The following CCR8 variants were observed in gnomAD, a reference collection of about 807,000 sequenced individuals.
CCR8 encodes the protein C-C chemokine receptor type 8.
For synonymous variants in CCR8, 156 were observed against 165.7 expected, an observed-to-expected ratio of 0.94 and a Z score of 0.45; for missense variants, 358 against 417.5, an observed-to-expected ratio of 0.86 and a Z score of 1.24.
At position 39,332,202 on chromosome 3, in the gene CCR8, G is replaced by A. The variant is rs116495232; in HGVS notation, c.-14-116G>A. ...TAGTCACACCCACACCGGAGGTTGA[G>A]CACTTCAACACATGAATTTGGGGAG... On this transcript the variant is annotated intron_variant, in intron 1 of 1. Transcript: ENST00000326306. 1,820 of 642,578 alleles carry A rather than the reference G, an allele frequency of 2.8e-3. 19 individuals carry two copies. Among genetic ancestry groups the A allele is most frequent in the Middle Eastern group, 0.021 (52 of 2,496 alleles). The allele number at this position is 642,578 out of a possible 1,614,324, so 39.8% of individuals were successfully genotyped here.
Position 39,332,550 on chromosome 3 carries a change from C to A in CCR8, c.219C>A (p.Tyr73Ter). ...CKKLRSITDV[Y>*]LLNLALSDLL... The stretch of plus-strand genomic sequence containing the variant: ...AGCTGAGGAGCATCACAGATGTATA[C>A]CTCTTGAACCTGGCCCTGTCTGACC... The change falls in exon 2 of 2, where the codon TAC (tyrosine) becomes TAA (stop). Residue 73 changes from tyrosine to a stop codon, truncating the protein, a stop_gained. Coordinates refer to ENST00000326306, the MANE Select transcript of CCR8 (RefSeq NM_005201.4). LOFTEE classifies it low-confidence loss of function (END_TRUNC). The A allele has an allele frequency of 6.2e-7, 1 of 1,614,114 alleles. No individual in the cohort carries two copies. Among genetic ancestry groups the A allele is most frequent in the Non-Finnish European group, 8.5e-7 (1 of 1,180,000 alleles).
rs1407471062 is a variant in CCR8 at position 39,332,852 on chromosome 3, T to C, written c.521T>C (p.Val174Ala). Residue 174 changes from valine to alanine, a missense_variant, in exon 2 of 2, where the codon GTG becomes GCG. Physicochemically the swap from Val to Ala is moderately conservative, Grantham distance 64. Transcript: ENST00000326306. Reference protein sequence around the residue: ...ATIPLLVFYQVASEDGVLQCY... With the variant: ...ATIPLLVFYQAASEDGVLQCY... The stretch of plus-strand genomic sequence containing the variant: ...ATCCCATTGCTAGTGTTTTACCAAG[T>C]GGCCTCTGAAGATGGTGTTCTACAG... The C allele has an allele frequency of 5.0e-6, 8 of 1,614,126 alleles. No individual in the cohort carries two copies. The highest frequency in any genetic ancestry group is 5.9e-6 in the Non-Finnish European group (7 of 1,180,036).
At chr3:39,331,352 G>A (rs2041253991) in intron 1 of CCR8, among the ~76,000 whole-genome samples, 1 of 152,176 alleles carries the variant, frequency 6.6e-6, no homozygotes, top group Non-Finnish European at 1.5e-5. Context: ...TTCTTGCTGT[G>A]TCCTCACATG....
intron 1 of CCR8, among the ~76,000 whole-genome samples, chr3:39,331,204 C>T (rs886287388): frequency 3.3e-5 from 5 of 152,110 alleles, no homozygotes; most frequent in African/African-American, 1.2e-4. Context: ...GTTTACATAA[C>T]AAAATACAAT....
chr3:39,332,162 C>T (rs115539809), intron 1 of CCR8, among the ~76,000 whole-genome samples, 156 bp from the exon 2 acceptor site: 2,429 of 152,234 alleles, frequency 0.016, 75 homozygotes, highest in African/African-American at 0.056. Context: ...CCCAAATAGT[C>T]TCACCCACTC....
Position 39,332,934 on chromosome 3 carries a change from A to T in CCR8, c.603A>T (p.Lys201Asn). The T allele has an allele frequency of 6.2e-7, 1 of 1,614,148 alleles. No individual in the cohort carries two copies. Among genetic ancestry groups the T allele is most frequent in the Non-Finnish European group, 8.5e-7 (1 of 1,179,994 alleles). The change falls in exon 2 of 2, where the codon AAA becomes AAT. Residue 201 changes from lysine to asparagine, a missense_variant. Physicochemically the swap from Lys to Asn is moderately conservative, Grantham distance 94. Coordinates refer to ENST00000326306, the MANE Select transcript of CCR8 (RefSeq NM_005201.4). ...AGTGGAAGATCTTCACCAACTTCAA[A>T]ATGAACATTTTAGGCTTGTTGATCC... ...TLKWKIFTNF[K>N]MNILGLLIPF...
Position 39,333,402 on chromosome 3 carries a change from A to G in CCR8, c.*3A>G. 6.3e-7 allele frequency: 1 copy of G among 1,596,910 alleles called. No homozygotes were observed. Among genetic ancestry groups the G allele is most frequent in the South Asian group, 1.1e-5 (1 of 89,362 alleles). Reference sequence around the variant, plus strand: ...CCAGCGTAGACTACATTTTGTGAGGATCAATGAAGACTAAATATAAAAAAC... The same window carrying G: ...CCAGCGTAGACTACATTTTGTGAGGGTCAATGAAGACTAAATATAAAAAAC... On this transcript the variant is annotated 3_prime_UTR_variant, in exon 2 of 2. Coordinates refer to ENST00000326306, the MANE Select transcript of CCR8 (RefSeq NM_005201.4).
chr3:39,333,043 A>G lies in CCR8; in HGVS notation c.712A>G (p.Arg238Gly). ...CQNHNKTKAI[R>G]LVLIVVIASL... ...AAACCACAACAAGACCAAGGCCATC[A>G]GGTTGGTGCTCATTGTGGTCATTGC... is the stretch of plus-strand genomic sequence containing the variant. Residue 238 changes from arginine to glycine, a missense_variant, in exon 2 of 2, where the codon AGG (arginine) becomes GGG (glycine). Physicochemically the swap from Arg to Gly is moderately radical, Grantham distance 125. Coordinates refer to ENST00000326306, the MANE Select transcript of CCR8 (RefSeq NM_005201.4). The G allele has an allele frequency of 6.2e-7, 1 of 1,614,084 alleles. No homozygotes were observed. Among genetic ancestry groups the G allele is most frequent in the Non-Finnish European group, 8.5e-7 (1 of 1,179,964 alleles).
chr3:39,332,010 G>T (rs181629979), intron 1 of CCR8, among the ~76,000 whole-genome samples: 1 of 151,544 alleles, frequency 6.6e-6, no homozygotes, highest in African/African-American at 2.4e-5. Flanking sequence ...TAGTAGAGAC[G>T]GGGTTTCGCC....
chr3:39,333,162 G>C lies in CCR8; in HGVS notation c.831G>C (p.Gln277His), dbSNP rs1575224044. The C allele has an allele frequency of 6.2e-7, 1 of 1,613,980 alleles. No homozygotes were observed. The highest frequency in any genetic ancestry group is 1.1e-5 in the South Asian group (1 of 91,084). ...TGGATGGATGTAGCATAAGCCAACA[G>C]CTGACTTATGCCACCCATGTCACAG... is the stretch of plus-strand genomic sequence containing the variant. ...HILDGCSISQ[Q>H]LTYATHVTEI... Residue 277 changes from glutamine (Q) to histidine (H), a missense_variant, in exon 2 of 2, where the codon CAG (glutamine) becomes CAC (histidine). Physicochemically the swap from Gln to His is conservative, Grantham distance 24 (BLOSUM62 0). Transcript: ENST00000326306.
At chr3:39,331,099 T>C (rs1376551556) in intron 1 of CCR8, among the ~76,000 whole-genome samples, 2 of 152,152 alleles carry the variant, frequency 1.3e-5, no homozygotes, top group African/African-American at 4.8e-5. Context: ...ATTGTGAGAA[T>C]ATGTTAGCAG....
At chr3:39,331,820 A>ATTTTTT (rs57593683) in intron 1 of CCR8, among the ~76,000 whole-genome samples, 4 of 94,000 alleles carry the variant, frequency 4.3e-5, no homozygotes, top group African/African-American at 8.1e-5. Flanking sequence ...TTTAATTTTA[A>ATTTTTT]TTTTTTTTTT....
chr3:39,331,688 G>A (rs114883983), intron 1 of CCR8, among the ~76,000 whole-genome samples: 15 of 150,852 alleles, frequency 9.9e-5, no homozygotes, highest in East Asian at 1.9e-4. Flanking sequence ...GGCTTGTCTC[G>A]AACTCCTGGC....
In CCR8 at chr3:39,333,577, C is replaced by T. The variant is rs145197183; in HGVS notation, c.*178C>T. On this transcript the variant is annotated 3_prime_UTR_variant, in exon 2 of 2. Transcript: ENST00000326306. ...ACATAGTTGTGCATGCCTGGCACAA[C>T]ATCAAGCCTGTGATTGTGTTTATTG... 313 of 599,954 alleles carry T rather than the reference C, an allele frequency of 5.2e-4. 1 individual carries two copies. The highest frequency in any genetic ancestry group is 5.1e-3 in the African/African-American group (275 of 53,718). 37.2% of individuals were successfully genotyped at this position (599,954 alleles called of 1,614,324 possible).
intron 1 of CCR8, among the ~76,000 whole-genome samples, chr3:39,331,934 C>G (rs2041259584): frequency 6.7e-6 from 1 of 150,356 alleles, no homozygotes; most frequent in Admixed American, 6.7e-5. Flanking sequence ...ATTCTTCTGC[C>G]TCAGCCTCCT....
In CCR8 at chr3:39,332,892, C is replaced by T. The variant is rs550778675; in HGVS notation, c.561C>T (p.Tyr187=). The T allele has an allele frequency of 4.8e-5, 78 of 1,614,096 alleles. No homozygotes were observed. The South Asian group carries it at 8.2e-4, about 17-fold the overall frequency. ...EDGVLQCYSF[Y]NQQTLKWKIF... ...GTGTTCTACAGTGTTATTCATTTTA[C>T]AATCAACAGACTTTGAAGTGGAAGA... The change falls in exon 2 of 2, where the codon TAC becomes TAT. Residue 187 remains tyrosine (Y), a synonymous_variant. Coordinates refer to ENST00000326306, the MANE Select transcript of CCR8 (RefSeq NM_005201.4).
At chr3:39,332,179 G>A (rs2041261151) in intron 1 of CCR8, 139 bp from the exon 2 acceptor site, 2 of 614,222 alleles carry the variant, frequency 3.3e-6, no homozygotes, top group Admixed American at 2.9e-5. Context: ...ACTCCAAATA[G>A]TCACACCCAC....
At position 39,332,652 on chromosome 3, in the gene CCR8, A is replaced by G. The variant is rs1354588472; in HGVS notation, c.321A>G (p.Lys107=). 2 of 1,614,062 alleles carry G rather than the reference A, an allele frequency of 1.2e-6. No homozygotes were observed. The highest frequency in any genetic ancestry group is 4.5e-5 in the East Asian group (2 of 44,888). ...GGGTGTTTGGGACTGTAATGTGCAA[A>G]GTGGTGTCTGGCTTTTATTACATTG... The part of the protein sequence containing the change: ...DQWVFGTVMC[K]VVSGFYYIGF... Residue 107 remains lysine (K), a synonymous_variant, in exon 2 of 2, where the codon AAA becomes AAG. Coordinates refer to ENST00000326306, the MANE Select transcript of CCR8 (RefSeq NM_005201.4).
intron 1 of CCR8, 49 bp from the exon 2 acceptor site, chr3:39,332,269 T>C (rs1415520096): frequency 1.7e-6 from 2 of 1,156,020 alleles, no homozygotes; most frequent in African/African-American, 3.1e-5. Context: ...TTTTAAAAAA[T>C]AAAAATGTTT....
Sources: gnomAD v4.1 joint callset for allele counts (sites outside exome capture counted in the v4.1 genomes callset) on GRCh38, gnomAD v4.1.1 for gene constraint, MANE v1.5 for transcripts, NCBI Gene and HGNC (gene_info 2026-07-23, HGNC 2026-07-21) for gene names.